ARID1B: variants seen among roughly 807,000 people sequenced by gnomAD.
ARID1B encodes AT-rich interaction domain 1B.
In ARID1B, 30 loss-of-function variants were observed where a neutral mutation model predicts 212.3. The ratio of observed to expected loss-of-function variants is 0.14; its 90% confidence interval spans 0.11 to 0.19. The LOEUF is 0.19. Among genes scored for constraint, ARID1B ranks in the 10% least tolerant of loss-of-function variants. The pLI, the probability that ARID1B is intolerant of heterozygous loss-of-function variation, is 1.00. For synonymous variants in ARID1B, 1,402 were observed against 1,301.7 expected, an observed-to-expected ratio of 1.08 and a Z score of -1.66; for missense variants, 2,891 against 3,204.0, an observed-to-expected ratio of 0.90 and a Z score of 2.36.
chr6:156,949,125 G>T (rs1253201095), intron 4 of ARID1B, among the ~76,000 whole-genome samples: 2 of 152,212 alleles, frequency 1.3e-5, no homozygotes, highest in African/African-American at 2.4e-5. Context: ...AACACCTGGT[G>T]TAGAAGAGTA....
intron 2 of ARID1B, among the ~76,000 whole-genome samples, chr6:156,844,660 TAAGTA>T (rs1156485682): frequency 6.6e-6 from 1 of 152,214 alleles, no homozygotes; most frequent in Non-Finnish European, 1.5e-5. Context: ...GATAGGGAAA[TAAGTA>T]AAGAAGTGAA....
intron 4 of ARID1B, chr6:156,937,781 G>A (rs779596060): frequency 6.6e-6 from 1 of 152,018 alleles, no homozygotes; most frequent in African/African-American, 2.4e-5. Context: ...GTCTTGTTAT[G>A]TATGTATAAC....
chr6:156,927,404 A>G (rs1337906515), intron 3 of ARID1B, among the ~76,000 whole-genome samples: 1 of 152,110 alleles, frequency 6.6e-6, no homozygotes. Flanking sequence ...TTTATTTCCT[A>G]TAAATTAGTG....
At chr6:157,111,803 G>A (rs1345698825) in intron 6 of ARID1B, among the ~76,000 whole-genome samples, 2 of 152,016 alleles carry the variant, frequency 1.3e-5, no homozygotes, top group Non-Finnish European at 2.9e-5. Context: ...AGGTATAGTC[G>A]ATAATATAAT....
chr6:156,859,083 T>G (rs1785145521), intron 2 of ARID1B, among the ~76,000 whole-genome samples: 1 of 152,174 alleles, frequency 6.6e-6, no homozygotes, highest in African/African-American at 2.4e-5. Flanking sequence ...TGTCACTGTT[T>G]GATAGGAATT....
At chr6:156,928,783 C>T (rs1157315735) in intron 3 of ARID1B, among the ~76,000 whole-genome samples, 1 of 152,206 alleles carries the variant, frequency 6.6e-6, no homozygotes, top group Non-Finnish European at 1.5e-5. Context: ...TTTGCCTTCA[C>T]ACCTGTGGAA....
intron 9 of ARID1B, 139 bp from the exon 10 acceptor site, chr6:157,173,869 C>T (rs1194273048): frequency 6.1e-6 from 4 of 656,530 alleles, no homozygotes; most frequent in South Asian, 2.2e-5. Flanking sequence ...ATATGCTCCC[C>T]ATTACAATTT....
intron 4 of ARID1B, among the ~76,000 whole-genome samples, chr6:156,958,133 C>T (rs112786362): frequency 2.2e-3 from 332 of 152,314 alleles, no homozygotes; most frequent in African/African-American, 7.6e-3. Context: ...CCACTGCACA[C>T]GGCAGTCTAC....
At chr6:157,055,500 C>T (rs754003396) in intron 4 of ARID1B, among the ~76,000 whole-genome samples, 13 of 152,160 alleles carry the variant, frequency 8.5e-5, no homozygotes, top group Non-Finnish European at 1.6e-4. Flanking sequence ...CTCTCTAGTC[C>T]TTAAATTTGA....
rs1002363741 is a variant in ARID1B at position 157,054,722 on chromosome 6, G to T, written c.2248-29940G>T. Among the ~76,000 whole-genome samples, 6 of 152,220 alleles carry T rather than the reference G, an allele frequency of 3.9e-5. 1 individual carries two copies. The highest frequency in any genetic ancestry group is 2.6e-4 in the Admixed American group (4 of 15,288). On this transcript the variant is annotated intron_variant, in intron 4 of 19. Transcript: ENST00000636930. Reference sequence around the variant, plus strand: ...AACCACAGCCTAGGCCTACTTACTAGATGTCACTGTTACAGGGGTGATTGT... The same window carrying T: ...AACCACAGCCTAGGCCTACTTACTATATGTCACTGTTACAGGGGTGATTGT...
chr6:156,993,771 A>C (rs1778412252), intron 4 of ARID1B, among the ~76,000 whole-genome samples: 1 of 152,232 alleles, frequency 6.6e-6, no homozygotes, highest in African/African-American at 2.4e-5. Flanking sequence ...TTCTTTTTGA[A>C]GTAGCCTGTT....
chr6:156,898,983 CAAA>C (rs1450888034), intron 2 of ARID1B, among the ~76,000 whole-genome samples: 31 of 152,118 alleles, frequency 2.0e-4, no homozygotes, highest in Admixed American at 2.0e-3. Flanking sequence ...AACAAGCAAA[CAAA>C]GAGTTAGACT....
intron 4 of ARID1B, among the ~76,000 whole-genome samples, chr6:157,001,870 A>C (rs1562539978): frequency 1.3e-5 from 2 of 152,234 alleles, no homozygotes; most frequent in East Asian, 3.9e-4. Context: ...CGGAGGAGAG[A>C]TGGACTGAGT....
rs1009606032 is a variant in ARID1B at position 157,157,004 on chromosome 6, C to A, written c.3089+8053C>A. On this transcript the variant is annotated intron_variant, in intron 8 of 19. Coordinates refer to ENST00000636930, the MANE Select transcript of ARID1B (RefSeq NM_001374828.1). Reference sequence around the variant, plus strand: ...ATGGCAGAGTGTGTCTTCCTAAATGCTTTGTCTTGATTTCTGCCCTTTTGC... The same window carrying A: ...ATGGCAGAGTGTGTCTTCCTAAATGATTTGTCTTGATTTCTGCCCTTTTGC... 3.9e-5 allele frequency among the ~76,000 whole-genome samples: 6 copies of A among 152,158 alleles called. No homozygotes were observed. The South Asian group carries it at 1.2e-3, about 32-fold the overall frequency.
chr6:157,123,236 CCG>C (rs1264914112), intron 6 of ARID1B, among the ~76,000 whole-genome samples: 1 of 14,104 alleles, frequency 7.1e-5, no homozygotes, highest in South Asian at 6.1e-3. Flanking sequence ...CCCCCGCCCC[CCG>C]CCCCCCCCCC....
chr6:157,174,201 A>C, intron 10 of ARID1B, 84 bp downstream of exon 10: 1 of 1,249,224 alleles, frequency 8.0e-7, no homozygotes, highest in East Asian at 2.4e-5. Context: ...GTGTTGGCCG[A>C]CACTTTTTTT....
rs748838689 is a variant in ARID1B at position 156,778,310 on chromosome 6, GCAGCAA to G, written c.639_644del (p.Gln213_Gln214del). 1.9e-6 allele frequency: 3 copies of G among 1,545,266 alleles called. No homozygotes were observed. Among genetic ancestry groups the G allele is most frequent in the South Asian group, 1.2e-5 (1 of 84,052 alleles). Reference sequence around the variant, plus strand: ...AGCAGCAACAGCAGCAGCAGCAGCAGCAGCAACAGCAACATCCCATTTCCAACAACA... The same window carrying G: ...AGCAGCAACAGCAGCAGCAGCAGCAGCAGCAACATCCCATTTCCAACAACA... On this transcript the variant is annotated inframe_deletion, in exon 1 of 20. Coordinates refer to ENST00000636930, the MANE Select transcript of ARID1B (RefSeq NM_001374828.1).
At chr6:157,165,324 TCCC>T (rs1470080726) in intron 8 of ARID1B, among the ~76,000 whole-genome samples, 6 of 152,330 alleles carry the variant, frequency 3.9e-5, no homozygotes, top group Middle Eastern at 6.8e-3. Context: ...TGCCCATTTC[TCCC>T]TGAGCCACCC....
At chr6:156,870,543 T>C (rs1223554739) in intron 2 of ARID1B, 2 of 152,234 alleles carry the variant, frequency 1.3e-5, no homozygotes, top group African/African-American at 4.8e-5. Flanking sequence ...TTCGTTGTCT[T>C]TTCTGTATCT....
Sources: allele counts gnomAD v4.1 joint callset (sites outside exome capture counted in the v4.1 genomes callset), GRCh38; gene constraint gnomAD v4.1.1; transcripts MANE v1.5; gene names NCBI Gene and HGNC (gene_info 2026-07-23, HGNC 2026-07-21).